The following COL5A2 variants were observed in gnomAD, a reference collection of about 807,000 sequenced individuals.
COL5A2 encodes collagen alpha-2(V) chain.
A neutral mutation model predicts 208.2 loss-of-function variants in COL5A2; 23 were observed. The ratio of observed to expected loss-of-function variants is 0.11; its 90% CI spans 0.08 to 0.16. COL5A2 has a LOEUF of 0.16. Among genes scored for constraint, COL5A2 ranks in the 10% least tolerant of loss-of-function variants. COL5A2 has a pLI of 1.00. For synonymous variants in COL5A2, 625 were observed against 628.5 expected, an observed-to-expected ratio of 0.99 and a Z score of 0.08; for missense variants, 1,590 against 1,956.4, an observed-to-expected ratio of 0.81 and a Z score of 3.53.
the COL5A2 span, among the ~76,000 whole-genome samples, chr2:189,321,203 T>A: frequency 6.6e-6 from 1 of 152,150 alleles, no homozygotes; most frequent in Non-Finnish European, 1.5e-5. Flanking sequence ...TACCAGCCAC[T>A]GCAAAAACAT....
chr2:189,183,963 T>A (rs762999458), upstream of COL5A2, among the ~76,000 whole-genome samples: 3 of 152,188 alleles, frequency 2.0e-5, no homozygotes, highest in Non-Finnish European at 4.4e-5. Flanking sequence ...TTCCCTCATT[T>A]AACAAATATT....
In COL5A2 at chr2:189,051,410, A is replaced by T. The variant is rs372780282; in HGVS notation, c.2841T>A (p.Pro947=). ...KEGPPGLRGD[P]GSHGRVGDRG... is the part of the protein sequence containing the mutation. ...GATCTCCCACACGCCCATGAGAGCC[A>T]GGGTCCCCACGAAGACCTGGAGGTC... Residue 947 remains proline, a synonymous_variant, in exon 42 of 54, where the codon CCT becomes CCA. Coordinates refer to ENST00000374866, the MANE Select transcript of COL5A2 (RefSeq NM_000393.5). 4.8e-5 allele frequency: 77 copies of T among 1,613,854 alleles called. No homozygotes were observed. The highest frequency in any genetic ancestry group is 1.6e-4 in the Middle Eastern group (1 of 6,084).
chr2:189,086,609 A>G, intron 9 of COL5A2, 117 bp downstream of exon 9: 1 of 745,494 alleles, frequency 1.3e-6, no homozygotes, highest in East Asian at 2.7e-5. Flanking sequence ...TGAAGTGAGC[A>G]TTACAATATA....
chr2:189,167,944 A>T (rs1383482040), intron 1 of COL5A2, among the ~76,000 whole-genome samples: 17 of 139,926 alleles, frequency 1.2e-4, no homozygotes, highest in Admixed American at 1.4e-4. Flanking sequence ...ACAAACTCCT[A>T]TTTTTTTTTT....
chr2:189,227,078 G>A (rs1015883196), upstream of COL5A2, among the ~76,000 whole-genome samples: 1 of 152,072 alleles, frequency 6.6e-6, no homozygotes, highest in African/African-American at 2.4e-5. Context: ...ACTTTGAGAG[G>A]CCTTCAGAAT....
At chr2:189,173,937 C>T (rs886079441) in intron 1 of COL5A2, among the ~76,000 whole-genome samples, 1 of 152,088 alleles carries the variant, frequency 6.6e-6, no homozygotes, top group Non-Finnish European at 1.5e-5. Flanking sequence ...TAAATCTAAG[C>T]TTTTCAATGT....
intron 35 of COL5A2, 81 bp from the exon 36 acceptor site, chr2:189,054,293 A>G: frequency 9.8e-7 from 1 of 1,023,246 alleles, no homozygotes; most frequent in Non-Finnish European, 1.5e-6. Flanking sequence ...CAAACAAAAA[A>G]GAAACGACTA....
chr2:189,272,808 G>C, the COL5A2 span, among the ~76,000 whole-genome samples: 1 of 152,126 alleles, frequency 6.6e-6, no homozygotes, highest in African/African-American at 2.4e-5. Flanking sequence ...GCTCTGAGGA[G>C]AGGTGAGTGT....
rs1400525255 is a variant in COL5A2, at chr2:189,036,785, G to A, written c.3944C>T (p.Pro1315Leu). The A allele has an allele frequency of 6.2e-7, 1 of 1,612,624 alleles. No homozygotes were observed. ...AKQSGEYWIDPNQGSVEDAIK... is the reference protein window; with the variant it reads ...AKQSGEYWIDLNQGSVEDAIK... ...TGCATCTTCAACAGATCCTTGGTTA[G>A]GATCAATCCAGTATTCACCTATTTT... is the stretch of plus-strand genomic sequence containing the variant. Residue 1315 changes from proline to leucine, a missense_variant, in exon 52 of 54, where the codon CCT becomes CTT. Transcript: ENST00000374866.
the COL5A2 span, among the ~76,000 whole-genome samples, chr2:189,431,273 G>A: frequency 6.6e-6 from 1 of 152,172 alleles, no homozygotes; most frequent in Non-Finnish European, 1.5e-5. Flanking sequence ...CTAAAAACCA[G>A]AGTGCCTCTT....
the COL5A2 span, among the ~76,000 whole-genome samples, chr2:189,304,936 A>G: frequency 6.6e-6 from 1 of 152,232 alleles, no homozygotes; most frequent in Non-Finnish European, 1.5e-5. Flanking sequence ...AAATTTTATA[A>G]ATAATATGAG....
intron 1 of COL5A2, among the ~76,000 whole-genome samples, chr2:189,129,490 G>C (rs755371424): frequency 6.6e-6 from 1 of 151,938 alleles, no homozygotes; most frequent in Non-Finnish European, 1.5e-5. Context: ...AAGAGAAAAT[G>C]GTGTAAATAA....
chr2:189,310,668 C>A, the COL5A2 span, among the ~76,000 whole-genome samples: 4 of 151,924 alleles, frequency 2.6e-5, no homozygotes, highest in Non-Finnish European at 5.9e-5. Flanking sequence ...TTGGAAGCAA[C>A]CTAAGTGACT....
intron 1 of COL5A2, among the ~76,000 whole-genome samples, chr2:189,159,892 T>A (rs1220643622): frequency 1.3e-5 from 2 of 151,550 alleles, no homozygotes; most frequent in Non-Finnish European, 2.9e-5. Flanking sequence ...AAAATAATAA[T>A]AATAATAATT....
At chr2:189,154,965 G>C (rs1688216421) in intron 1 of COL5A2, among the ~76,000 whole-genome samples, 1 of 152,012 alleles carries the variant, frequency 6.6e-6, no homozygotes, top group Non-Finnish European at 1.5e-5. Flanking sequence ...GGTCCCTAAA[G>C]TATCCTGACA....
chr2:189,127,921 C>T (rs1046107074), intron 1 of COL5A2, among the ~76,000 whole-genome samples: 1 of 152,094 alleles, frequency 6.6e-6, no homozygotes, highest in Non-Finnish European at 1.5e-5. Flanking sequence ...GCTTCTTCCA[C>T]AAAACGCCCT....
chr2:189,256,774 CACACCA>C, the COL5A2 span, among the ~76,000 whole-genome samples: 1 of 152,312 alleles, frequency 6.6e-6, no homozygotes, highest in Non-Finnish European at 1.5e-5. Flanking sequence ...ACTACAGGAG[CACACCA>C]CCATGCCCAG....
chr2:189,253,768 A>C, the COL5A2 span, among the ~76,000 whole-genome samples: 1 of 152,212 alleles, frequency 6.6e-6, no homozygotes, highest in Admixed American at 6.5e-5. Context: ...TCACCCTCTG[A>C]ACTTTCACAG....
the COL5A2 span, among the ~76,000 whole-genome samples, chr2:189,416,280 T>A: frequency 2.6e-5 from 4 of 152,226 alleles, no homozygotes; most frequent in Non-Finnish European, 5.9e-5. Flanking sequence ...ATTGCGGCAC[T>A]ATTCACAATA....
Sources: gnomAD v4.1 joint callset for allele counts (sites outside exome capture counted in the v4.1 genomes callset) on GRCh38, gnomAD v4.1.1 for gene constraint, MANE v1.5 for transcripts, NCBI Gene and HGNC (gene_info 2026-07-23, HGNC 2026-07-21) for gene names.